The following DNAH8 variants were observed in gnomAD, a reference collection of about 807,000 sequenced individuals.
DNAH8 encodes axonemal beta dynein heavy chain 8.
A neutral mutation model predicts 562.1 loss-of-function variants in DNAH8; 382 were observed. That is an observed-to-expected ratio of 0.68 (90% CI 0.63 to 0.74). The LOEUF (loss-of-function observed/expected upper bound fraction) is 0.74, where lower values mean the gene tolerates loss of function less well. Among genes scored for constraint, DNAH8 ranks in the 30% least tolerant of loss-of-function variants. DNAH8 has a pLI of 0.00. For missense variants in DNAH8, 5,203 were observed against 5,620.4 expected (o/e 0.93, Z 2.37); for synonymous variants, 1,881 against 1,919.4 (o/e 0.98, Z 0.52).
At chr6:39,028,537 A>T (rs550411745) in intron 92 of DNAH8, among the ~76,000 whole-genome samples, 1 of 152,206 alleles carries the variant, frequency 6.6e-6, no homozygotes, top group African/African-American at 2.4e-5. Context: ...TACCAGTCAC[A>T]TTGGATTTAG....
At chr6:38,765,592 A>T (rs2127614552) in intron 11 of DNAH8, among the ~76,000 whole-genome samples, 1 of 152,290 alleles carries the variant, frequency 6.6e-6, no homozygotes, top group Admixed American at 6.5e-5. Context: ...TTTGTCAAAG[A>T]TCAGTTGACC....
At chr6:38,978,364 T>C (rs1763809928) in intron 85 of DNAH8, among the ~76,000 whole-genome samples, 1 of 152,196 alleles carries the variant, frequency 6.6e-6, no homozygotes, top group Non-Finnish European at 1.5e-5. Flanking sequence ...TACATTTCGT[T>C]TTCTTTCTCA....
chr6:38,899,834 C>A lies in DNAH8; in HGVS notation c.9122C>A (p.Ser3041Tyr). ...GCATTGCTGGTGGGTGTTGGTGGTTCCGGAAAACAAAGTCTTTCAAGATTG... is the reference window on the plus strand; with the variant it reads ...GCATTGCTGGTGGGTGTTGGTGGTTACGGAAAACAAAGTCTTTCAAGATTG... Reference protein sequence around the residue: ...GNALLVGVGGSGKQSLSRLAS... With the variant: ...GNALLVGVGGYGKQSLSRLAS... The change falls in exon 62 of 93, where the codon TCC becomes TAC. Residue 3041 changes from serine (S) to tyrosine (Y), a missense_variant. Ser to Tyr is a moderately radical substitution (Grantham distance 144). This residue lies in a region of DNAH8 where 977 missense variants were observed against 1,061.8 expected (regional missense o/e 0.92). Coordinates refer to ENST00000327475, the MANE Select transcript of DNAH8 (RefSeq NM_001206927.2). 1 of 1,611,610 alleles carries A rather than the reference C, an allele frequency of 6.2e-7. No individual in the cohort carries two copies. Among genetic ancestry groups the A allele is most frequent in the South Asian group, 1.1e-5 (1 of 90,568 alleles).
At chr6:38,724,065 C>G (rs1763002602) in intron 3 of DNAH8, among the ~76,000 whole-genome samples, 1 of 151,904 alleles carries the variant, frequency 6.6e-6, no homozygotes, top group African/African-American at 2.4e-5. Flanking sequence ...TCTCGGCTCA[C>G]TAACCTTGCC....
chr6:38,990,243 T>C (rs1764689879), intron 88 of DNAH8, 71 bp downstream of exon 88: 1 of 1,006,180 alleles, frequency 9.9e-7, no homozygotes, highest in Admixed American at 2.3e-5. Context: ...GTGCATTTCA[T>C]TTTCTCTCCT....
chr6:38,990,428 A>T (rs567489663), intron 88 of DNAH8, among the ~76,000 whole-genome samples: 5 of 152,166 alleles, frequency 3.3e-5, no homozygotes, highest in Non-Finnish European at 7.4e-5. Flanking sequence ...CTTCTCTGTC[A>T]TGTCATAAAA....
chr6:38,988,543 CT>C (rs1430257510), intron 87 of DNAH8, among the ~76,000 whole-genome samples: 7 of 152,178 alleles, frequency 4.6e-5, no homozygotes, highest in Non-Finnish European at 1.0e-4. Flanking sequence ...ACACTATTCT[CT>C]TTAATAACTT....
chr6:38,786,663 C>T lies in DNAH8; in HGVS notation c.2396-102C>T, dbSNP rs1267569948. On this transcript the variant is annotated intron_variant, in intron 17 of 92. Coordinates refer to ENST00000327475, the MANE Select transcript of DNAH8 (RefSeq NM_001206927.2). ...GGGCATCCAAAACATTTCCTTTGCC[C>T]TCAAGAAGTTAGTAATCCAGGGGGC... 8 of 1,220,924 alleles carry T rather than the reference C, an allele frequency of 6.6e-6. No homozygotes were observed. In the East Asian group the frequency reaches 2.0e-4, roughly 31 times the overall value. 75.6% of individuals were successfully genotyped at this position (1,220,924 alleles called of 1,614,324 possible).
intron 43 of DNAH8, among the ~76,000 whole-genome samples, chr6:38,860,979 G>C (rs941443517): frequency 6.6e-6 from 1 of 152,090 alleles, no homozygotes; most frequent in African/African-American, 2.4e-5. Flanking sequence ...CTTTTTTTCA[G>C]ATGTGGAAAT....
At chr6:38,945,430 G>A (rs1761326297) in intron 79 of DNAH8, 37 bp from the exon 80 acceptor site, 1 of 1,612,442 alleles carries the variant, frequency 6.2e-7, no homozygotes, top group African/African-American at 1.3e-5. Flanking sequence ...TGAAGTACAG[G>A]CTTACCCAAT....
chr6:38,960,843 G>A (rs891722105), intron 82 of DNAH8, among the ~76,000 whole-genome samples: 2 of 151,510 alleles, frequency 1.3e-5, no homozygotes, highest in Non-Finnish European at 3.0e-5. Flanking sequence ...TTAAAAAAAC[G>A]AAGTGAAATC....
In DNAH8 at chr6:38,938,749, A is replaced by T. The variant is rs578157607; in HGVS notation, c.11817-49A>T. The stretch of plus-strand genomic sequence containing the variant: ...GTACCCCTGAACTTGAAAGTTTTTT[A>T]AAAAAAGAAATTGCCCTTTGCTTCT... On this transcript the variant is annotated intron_variant, in intron 78 of 92. Transcript: ENST00000327475. The T allele has an allele frequency of 1.6e-4, 224 of 1,415,792 alleles. No homozygotes were observed. In the African/African-American group the frequency reaches 2.1e-3, roughly 14 times the overall value. The allele number at this position is 1,415,792 out of a possible 1,614,324, so 87.7% of individuals were successfully genotyped here. A position where few individuals can be genotyped will look rare whatever the true frequency, so the allele number is the denominator to read the frequency against.
intron 47 of DNAH8, among the ~76,000 whole-genome samples, chr6:38,867,746 C>G (rs1357836812): frequency 2.5e-5 from 3 of 120,336 alleles, no homozygotes; most frequent in Non-Finnish European, 5.2e-5. Context: ...GAGTGAGACT[C>G]CATCTCAAAA....
In DNAH8 at chr6:38,803,203, A is replaced by G. The variant is rs1770938827; in HGVS notation, c.2926A>G (p.Ile976Val). ...NETYTKEWADILNHKSKHVEE... is the reference protein window; with the variant it reads ...NETYTKEWADVLNHKSKHVEE... ...GACATACACAAAAGAATGGGCTGAC[A>G]TTCTAAACCACAAAAGTAAGCATGT... Residue 976 changes from isoleucine to valine, a missense_variant, in exon 22 of 93, where the codon ATT becomes GTT. By Grantham distance (29) the Ile-to-Val change is conservative. This residue lies in a region of DNAH8 where 2,176 missense variants were observed against 2,365.1 expected (regional missense o/e 0.92). Coordinates refer to ENST00000327475, the MANE Select transcript of DNAH8 (RefSeq NM_001206927.2). The G allele has an allele frequency of 6.2e-6, 10 of 1,604,648 alleles. No individual in the cohort carries two copies. Among genetic ancestry groups the G allele is most frequent in the Non-Finnish European group, 8.5e-6 (10 of 1,175,602 alleles).
At chr6:38,946,669 G>A (rs1761452675) in intron 80 of DNAH8, among the ~76,000 whole-genome samples, 1 of 152,176 alleles carries the variant, frequency 6.6e-6, no homozygotes. Context: ...TATTAGCTGG[G>A]TGTGGTGGCG....
chr6:38,854,887 A>T (rs1294879250), intron 41 of DNAH8, among the ~76,000 whole-genome samples: 2 of 149,298 alleles, frequency 1.3e-5, no homozygotes, highest in Non-Finnish European at 3.0e-5. Context: ...TTTAATATAT[A>T]TACATATATA....
chr6:38,756,825 C>G (rs1198931523), intron 10 of DNAH8, among the ~76,000 whole-genome samples: 1 of 152,044 alleles, frequency 6.6e-6, no homozygotes, highest in Non-Finnish European at 1.5e-5. Flanking sequence ...CCAGCTTCAT[C>G]CATGTCCCTA....
At chr6:38,770,942 C>G (rs1157453011) in intron 12 of DNAH8, among the ~76,000 whole-genome samples, 2 of 152,178 alleles carry the variant, frequency 1.3e-5, no homozygotes, top group African/African-American at 2.4e-5. Flanking sequence ...AGCATGTCCT[C>G]TTTCTGAGCC....
chr6:38,780,133 C>T, intron 15 of DNAH8, 68 bp downstream of exon 15: 1 of 1,443,296 alleles, frequency 6.9e-7, no homozygotes, highest in Non-Finnish European at 9.6e-7. Context: ...AAAATATTTG[C>T]CATCATTGTC....
Sources: gnomAD v4.1 joint callset for allele counts (sites outside exome capture counted in the v4.1 genomes callset) on GRCh38, gnomAD v4.1.1 for gene constraint, gnomAD v4.1.1 regional missense constraint, MANE v1.5 for transcripts, NCBI Gene and HGNC (gene_info 2026-07-23, HGNC 2026-07-21) for gene names.